Variants in ZNF593OS observed in about 807,000 individuals in gnomAD.
ZNF593OS encodes transmembrane protein ZNF593OS.
rs1331241966 is a variant in ZNF593OS, at chr1:26,170,821, G to A, written c.*368C>T. 7.0e-6 allele frequency: 10 copies of A among 1,426,214 alleles called. No homozygotes were observed. The South Asian group carries it at 8.3e-5, about 12-fold the overall frequency. 88.3% of individuals were successfully genotyped at this position (1,426,214 alleles called of 1,614,324 possible). ...CCTTTTGCCTCTGGGTTTGGGGAGC[G>A]GAGGGCCTCTTCTTGGTGCCCTGCC... On this transcript the variant is annotated 3_prime_UTR_variant, in exon 2 of 2. Transcript: ENST00000648649.
downstream of ZNF593OS, chr1:26,169,955 C>T (rs1402801163): frequency 2.0e-6 from 3 of 1,521,182 alleles, no homozygotes; most frequent in African/African-American, 1.4e-5. Flanking sequence ...CTGCTCCTGG[C>T]CCCTTGGCCG....
downstream of ZNF593OS, chr1:26,169,879 C>T (rs2232646): frequency 0.29 from 363,806 of 1,264,210 alleles, 55,327 homozygotes; most frequent in Middle Eastern, 0.35. Flanking sequence ...CCGAGCCTGC[C>T]TAGCCCCCCG....
At position 26,171,467 on chromosome 1, in the gene ZNF593OS, C is replaced by T; in HGVS notation, c.46-132G>A. ...CCGGTCCTGCCCCAGGGAGATTCCACCCCAATCCCTTTCGCCTCACTGCCC... is the reference window on the plus strand; with the variant it reads ...CCGGTCCTGCCCCAGGGAGATTCCATCCCAATCCCTTTCGCCTCACTGCCC... On this transcript the variant is annotated intron_variant, in intron 1 of 1. Coordinates refer to ENST00000648649, the Ensembl canonical transcript of ZNF593OS. The surrounding 1 kb of genome is among the most constrained non-coding windows in gnomAD (Gnocchi z 5.5). The T allele has an allele frequency of 2.5e-6, 1 of 398,706 alleles. No individual in the cohort carries two copies. Among genetic ancestry groups the T allele is most frequent in the Non-Finnish European group, 4.4e-6 (1 of 226,250 alleles). The allele number at this position is 398,706 out of a possible 1,614,324, so 24.7% of individuals were successfully genotyped here.
At chr1:26,170,356 G>A (rs1306736999), downstream of ZNF593OS, 27 of 1,571,616 alleles carry the variant, frequency 1.7e-5, no homozygotes, top group Non-Finnish European at 2.2e-5. Flanking sequence ...TAGGGCTAGG[G>A]AGATAGGTGC....
chr1:26,170,197 G>C (rs749793355), downstream of ZNF593OS: 14 of 1,575,680 alleles, frequency 8.9e-6, no homozygotes, highest in South Asian at 1.6e-4. Context: ...AGTCCCGGAC[G>C]AGCCCGGCCT....
At chr1:26,170,272 G>A, downstream of ZNF593OS, 1 of 1,554,926 alleles carries the variant, frequency 6.4e-7, no homozygotes, top group Non-Finnish European at 8.7e-7. Flanking sequence ...GCAGCGCAGA[G>A]TCTTCTCTCT....
chr1:26,170,280 T>C, downstream of ZNF593OS: 1 of 1,541,584 alleles, frequency 6.5e-7, no homozygotes, highest in South Asian at 1.2e-5. Flanking sequence ...GAGTCTTCTC[T>C]CTTGGGACCC....
At chr1:26,170,236 C>A (rs1180852515), downstream of ZNF593OS, 5 of 1,581,586 alleles carry the variant, frequency 3.2e-6, no homozygotes, top group Non-Finnish European at 4.3e-6. Flanking sequence ...CGGTACCGGC[C>A]GGGAGATGTG....
rs1038513590 is a variant in ZNF593OS, at chr1:26,171,140, C to G, written c.*49G>C. On this transcript the variant is annotated 3_prime_UTR_variant, in exon 2 of 2. Coordinates refer to ENST00000648649, the Ensembl canonical transcript of ZNF593OS. This position sits in a 1 kb window ranked among gnomAD's most constrained non-coding sequence, Gnocchi z 5.5. ...AGAAGGCTTCTGAGATTGCACCCCC[C>G]TCCCGAGTCACCTACCCCCAGCATC... The G allele has an allele frequency of 2.4e-6, 1 of 409,794 alleles. No individual in the cohort carries two copies. The highest frequency in any genetic ancestry group is 3.5e-5 in the East Asian group (1 of 28,532). 25.4% of individuals were successfully genotyped at this position (409,794 alleles called of 1,614,324 possible). A position where few individuals can be genotyped will look rare whatever the true frequency, so the allele number is the denominator to read the frequency against.
downstream of ZNF593OS, chr1:26,169,707 G>A: frequency 2.0e-6 from 1 of 495,194 alleles, no homozygotes. Context: ...AAACCCCCAG[G>A]CGCACGCACC....
chr1:26,171,693 T>C lies in ZNF593OS; in HGVS notation c.-32A>G, dbSNP rs2088499059. Reference sequence around the variant, plus strand: ...CGGCACTGGTCTCCCTGGCGGCCTGTAGGGTGGGAGCGGACGTGAAGACCA... The same window carrying C: ...CGGCACTGGTCTCCCTGGCGGCCTGCAGGGTGGGAGCGGACGTGAAGACCA... On this transcript the variant is annotated 5_prime_UTR_variant, in exon 1 of 2. Coordinates refer to ENST00000648649, the Ensembl canonical transcript of ZNF593OS. This position sits in a 1 kb window ranked among gnomAD's most constrained non-coding sequence, Gnocchi z 5.5. 5.0e-6 allele frequency: 2 copies of C among 398,460 alleles called. No homozygotes were observed. The highest frequency in any genetic ancestry group is 8.8e-5 in the Admixed American group (2 of 22,730). The allele number at this position is 398,460 out of a possible 1,614,324, so 24.7% of individuals were successfully genotyped here.
chr1:26,170,728 G>A (rs757092395), exon 2 of ZNF593OS: 52 of 1,600,180 alleles, frequency 3.2e-5, no homozygotes, highest in Non-Finnish European at 4.3e-5. Context: ...ATGGCCTGAA[G>A]ATGCAGGGCA....
At chr1:26,170,673 C>CG in exon 2 of ZNF593OS, 1 of 1,610,696 alleles carries the variant, frequency 6.2e-7, no homozygotes, top group Non-Finnish European at 8.5e-7. Flanking sequence ...GCAGTGCCCA[C>CG]GGAAGTGTCC....
downstream of ZNF593OS, chr1:26,170,405 T>G: frequency 6.2e-7 from 1 of 1,612,304 alleles, no homozygotes; most frequent in Non-Finnish European, 8.5e-7. Flanking sequence ...CCTTCTCACT[T>G]CCATTCCTAC....
Position 26,171,082 on chromosome 1 carries a change from G to A in ZNF593OS, c.*107C>T. 1 of 442,966 alleles carries A rather than the reference G, an allele frequency of 2.3e-6. No homozygotes were observed. The highest frequency in any genetic ancestry group is 4.0e-6 in the Non-Finnish European group (1 of 251,760). 27.4% of individuals were successfully genotyped at this position (442,966 alleles called of 1,614,324 possible). A position where few individuals can be genotyped will look rare whatever the true frequency, so the allele number is the denominator to read the frequency against. On this transcript the variant is annotated 3_prime_UTR_variant, in exon 2 of 2. Coordinates refer to ENST00000648649, the Ensembl canonical transcript of ZNF593OS. This position sits in a 1 kb window ranked among gnomAD's most constrained non-coding sequence, Gnocchi z 5.5. ...GGCGGGAGTGGGATCAGATTACTCTGTCCTGCTTCTGACAGAGACTGATCC... is the reference window on the plus strand; with the variant it reads ...GGCGGGAGTGGGATCAGATTACTCTATCCTGCTTCTGACAGAGACTGATCC...
At position 26,171,767 on chromosome 1, in the gene ZNF593OS, G is replaced by A; in HGVS notation, c.-106C>T. 1 of 397,982 alleles carries A rather than the reference G, an allele frequency of 2.5e-6. No individual in the cohort carries two copies. 24.7% of individuals were successfully genotyped at this position (397,982 alleles called of 1,614,324 possible). ...TGGAAACTAGGGTAGAGGGGTCTCT[G>A]ACCTTCCACATACGCAAGACCCAAG... On this transcript the variant is annotated 5_prime_UTR_variant, in exon 1 of 2. Transcript: ENST00000648649. The surrounding 1 kb of genome is among the most constrained non-coding windows in gnomAD (Gnocchi z 5.5).
downstream of ZNF593OS, chr1:26,170,224 C>T (rs746096418): frequency 1.3e-6 from 2 of 1,581,324 alleles, no homozygotes; most frequent in Non-Finnish European, 1.7e-6. Flanking sequence ...GAGGAGGGTC[C>T]GCGGTACCGG....
rs1011046232 is a variant in ZNF593OS at position 26,171,718 on chromosome 1, A to C, written c.-57T>G. On this transcript the variant is annotated 5_prime_UTR_variant, in exon 1 of 2. Coordinates refer to ENST00000648649, the Ensembl canonical transcript of ZNF593OS. The surrounding 1 kb of genome is among the most constrained non-coding windows in gnomAD (Gnocchi z 5.5). ...TAGGGTGGGAGCGGACGTGAAGACC[A>C]GTGGTCTTCATGACACCAAGAAGTG... The C allele has an allele frequency of 1.3e-5, 5 of 398,466 alleles. No homozygotes were observed. The highest frequency in any genetic ancestry group is 2.1e-5 in the African/African-American group (1 of 48,624). The allele number at this position is 398,466 out of a possible 1,614,324, so 24.7% of individuals were successfully genotyped here.
downstream of ZNF593OS, chr1:26,170,159 G>A: frequency 6.4e-7 from 1 of 1,571,912 alleles, no homozygotes; most frequent in Non-Finnish European, 8.6e-7. Flanking sequence ...CCAGGGGGCG[G>A]TCTGCACCGC....
Sources: gnomAD v4.1 joint callset for allele counts on GRCh38, gnomAD v4.1.1 for gene constraint, Gnocchi (gnomAD v3.1) non-coding constraint, MANE v1.5 for transcripts, NCBI Gene and HGNC (gene_info 2026-07-23, HGNC 2026-07-21) for gene names.